The following RBFOX2 variants were observed in gnomAD, a reference collection of about 807,000 sequenced individuals.
RBFOX2 encodes RNA binding protein fox-1 homolog 2.
In RBFOX2, 10 loss-of-function variants were observed where a neutral mutation model predicts 49.1. That is an observed-to-expected ratio of 0.20 (90% CI 0.13 to 0.35). RBFOX2 has a LOEUF of 0.35. Ranked by LOEUF, RBFOX2 falls within the 10% of genes least tolerant of loss-of-function variation. The pLI is 1.00. For synonymous variants in RBFOX2, 183 were observed against 187.4 expected, an observed-to-expected ratio of 0.98 and a Z score of 0.19; for missense variants, 323 against 486.9, an observed-to-expected ratio of 0.66 and a Z score of 3.17.
At chr22:36,013,041 G>A (rs1389482534) in intron 1 of RBFOX2, among the ~76,000 whole-genome samples, 1 of 152,124 alleles carries the variant, frequency 6.6e-6, no homozygotes, top group East Asian at 1.9e-4. Context: ...TGGGATTACA[G>A]GTGTGAGCCA....
At chr22:35,776,796 TG>T (rs1180883354) in intron 4 of RBFOX2, among the ~76,000 whole-genome samples, 1 of 152,126 alleles carries the variant, frequency 6.6e-6, no homozygotes, top group East Asian at 1.9e-4. Flanking sequence ...TGGCTATGGC[TG>T]ATGGTTTCAG....
At chr22:35,774,178 C>A (rs959036447) in intron 4 of RBFOX2, among the ~76,000 whole-genome samples, 1 of 151,920 alleles carries the variant, frequency 6.6e-6, no homozygotes, top group Non-Finnish European at 1.5e-5. Context: ...CTGGGACATT[C>A]TGAGAGAGAA....
chr22:35,900,969 C>G (rs1478058336), intron 1 of RBFOX2, among the ~76,000 whole-genome samples: 1 of 152,210 alleles, frequency 6.6e-6, no homozygotes, highest in Non-Finnish European at 1.5e-5. Flanking sequence ...GAAGACAAAA[C>G]AGTGAACATT....
intron 1 of RBFOX2, among the ~76,000 whole-genome samples, chr22:35,985,387 G>A (rs1900406730): frequency 6.6e-6 from 1 of 152,140 alleles, no homozygotes; most frequent in Non-Finnish European, 1.5e-5. Flanking sequence ...CTCACCAGAG[G>A]TAAAGAGTGA....
At chr22:35,746,602 C>T (rs781011048) in intron 9 of RBFOX2, 41 bp from the exon 12 acceptor site, 5 of 1,330,986 alleles carry the variant, frequency 3.8e-6, no homozygotes, top group African/African-American at 1.5e-5. Context: ...ATACCTCTCC[C>T]CCCAGGTGTA....
At chr22:35,826,379 C>G (rs571320286) in intron 1 of RBFOX2, among the ~76,000 whole-genome samples, 1 of 150,206 alleles carries the variant, frequency 6.7e-6, no homozygotes. Context: ...ATAATAATTA[C>G]CACTATTATT....
chr22:35,965,536 T>C (rs1350307523), upstream of RBFOX2, among the ~76,000 whole-genome samples: 1 of 152,220 alleles, frequency 6.6e-6, no homozygotes, highest in Non-Finnish European at 1.5e-5. Flanking sequence ...GAGGTTCTTT[T>C]GTCTGCAGAG....
intron 2 of RBFOX2, among the ~76,000 whole-genome samples, chr22:35,783,802 C>T (rs1186756624): frequency 6.6e-6 from 1 of 152,202 alleles, no homozygotes; most frequent in Non-Finnish European, 1.5e-5. Context: ...AGGACGGCCC[C>T]ACACTACTCT....
chr22:35,797,155 A>G (rs574738200), intron 2 of RBFOX2, among the ~76,000 whole-genome samples: 1 of 152,270 alleles, frequency 6.6e-6, no homozygotes, highest in South Asian at 2.1e-4. Context: ...TTCAAACATA[A>G]TTTAGAGCTA....
chr22:36,018,352 G>T (rs1471435927), intron 1 of RBFOX2, among the ~76,000 whole-genome samples: 2 of 152,186 alleles, frequency 1.3e-5, no homozygotes, highest in Non-Finnish European at 2.9e-5. Flanking sequence ...ATTAAAGATT[G>T]AGCCTTACAA....
chr22:35,951,506 A>C (rs1287642611), intron 1 of RBFOX2, among the ~76,000 whole-genome samples: 1 of 152,066 alleles, frequency 6.6e-6, no homozygotes, highest in African/African-American at 2.4e-5. Flanking sequence ...TGGCCTCCCA[A>C]AGTGCTGGGA....
At chr22:36,007,423 T>A (rs1441478876) in intron 1 of RBFOX2, among the ~76,000 whole-genome samples, 1 of 152,160 alleles carries the variant, frequency 6.6e-6, no homozygotes, top group Non-Finnish European at 1.5e-5. Context: ...GCATACTTTT[T>A]CTCCAACACA....
chr22:35,891,691 T>C (rs2047260625), intron 1 of RBFOX2, among the ~76,000 whole-genome samples: 1 of 152,192 alleles, frequency 6.6e-6, no homozygotes, highest in Non-Finnish European at 1.5e-5. Flanking sequence ...AAGTAAGTGG[T>C]CTATAATTAT....
At chr22:35,856,504 C>T (rs954085747) in intron 1 of RBFOX2, among the ~76,000 whole-genome samples, 1 of 151,918 alleles carries the variant, frequency 6.6e-6, no homozygotes, top group African/African-American at 2.4e-5. Flanking sequence ...AGATTTCTGC[C>T]TGAGGTATAA....
chr22:35,868,175 C>T (rs2043908782), intron 1 of RBFOX2, among the ~76,000 whole-genome samples: 1 of 152,176 alleles, frequency 6.6e-6, no homozygotes. Context: ...GGCACCACTG[C>T]ACTCCAGCCT....
At chr22:35,802,591 A>G (rs1949979405) in intron 2 of RBFOX2, among the ~76,000 whole-genome samples, 2 of 152,320 alleles carry the variant, frequency 1.3e-5, no homozygotes, top group African/African-American at 4.8e-5. Flanking sequence ...GAGAGGGCAG[A>G]TCTGACTTGG....
At chr22:35,901,618 G>C (rs189230573) in intron 1 of RBFOX2, among the ~76,000 whole-genome samples, 5 of 152,328 alleles carry the variant, frequency 3.3e-5, no homozygotes, top group African/African-American at 9.6e-5. Context: ...AAACTTCTGT[G>C]AATGGTGGTT....
chr22:35,868,244 A>G (rs2043918467), intron 1 of RBFOX2, among the ~76,000 whole-genome samples: 1 of 152,164 alleles, frequency 6.6e-6, no homozygotes, highest in Non-Finnish European at 1.5e-5. Flanking sequence ...ATAAACAAAT[A>G]TAAAAACCAG....
At chr22:35,922,754 G>A (rs573702235) in intron 1 of RBFOX2, among the ~76,000 whole-genome samples, 4 of 151,974 alleles carry the variant, frequency 2.6e-5, no homozygotes, top group South Asian at 2.1e-4. Flanking sequence ...TTAAAATTTC[G>A]GTACCCACAA....
Sources: gnomAD v4.1 joint callset for allele counts (sites outside exome capture counted in the v4.1 genomes callset) on GRCh38, gnomAD v4.1.1 for gene constraint, MANE v1.5 for transcripts, NCBI Gene and HGNC (gene_info 2026-07-23, HGNC 2026-07-21) for gene names.